IKBKE: variants seen among roughly 807,000 people sequenced by gnomAD.
IKBKE encodes inhibitor of nuclear factor kappa-B kinase subunit epsilon.
A neutral mutation model predicts 92.1 loss-of-function variants in IKBKE; 45 were observed. The ratio of observed to expected loss-of-function variants is 0.49; its 90% CI spans 0.38 to 0.63. IKBKE has a LOEUF of 0.63. IKBKE is among the 20% of genes least tolerant of loss of function. The pLI, the probability that IKBKE is intolerant of heterozygous loss-of-function variation, is 0.00. For missense variants in IKBKE, 700 were observed against 932.8 expected (o/e 0.75, Z 3.25); for synonymous variants, 374 against 380.3 (o/e 0.98, Z 0.19).
At chr1:206,471,083 C>CG in intron 1 of IKBKE, 73 bp from the exon 2 acceptor site, 1 of 152,458 alleles carries the variant, frequency 6.6e-6, no homozygotes, top group South Asian at 2.1e-4. Context: ...CTAGGGCCGG[C>CG]GGCCTTTGAT....
intron 10 of IKBKE, among the ~76,000 whole-genome samples, 155 bp downstream of exon 10, chr1:206,479,288 C>T (rs896942933): frequency 3.9e-5 from 6 of 152,224 alleles, no homozygotes; most frequent in Non-Finnish European, 7.3e-5. Context: ...TCTGCAGACG[C>T]CTCTGAGATG....
At chr1:206,489,877 G>A (rs1665860691) in intron 16 of IKBKE, among the ~76,000 whole-genome samples, 1 of 152,130 alleles carries the variant, frequency 6.6e-6, no homozygotes, top group Admixed American at 6.5e-5. Flanking sequence ...GTCTTTAAGA[G>A]TCCTTTAATA....
intron 18 of IKBKE, 94 bp from the exon 19 acceptor site, chr1:206,492,929 C>A: frequency 9.2e-7 from 1 of 1,085,866 alleles, no homozygotes; most frequent in Non-Finnish European, 1.4e-6. Flanking sequence ...CGGGACCCAC[C>A]TGTGTCCATG....
rs147204247 is a variant in IKBKE at position 206,477,848 on chromosome 1, C to T, written c.801C>T (p.Cys267=). The T allele has an allele frequency of 3.2e-6, 5 of 1,549,814 alleles. No homozygotes were observed. The African/African-American group carries it at 6.8e-5, about 21-fold the overall frequency. ...GGAGCTACACCCTCCCCATCACCTG[C>T]CAGCTGTCACTGTGAGTGGGACCCT... is the stretch of plus-strand genomic sequence containing the variant. ...LEWSYTLPIT[C]QLSLGLQSQL... The change falls in exon 8 of 22, where the codon TGC becomes TGT. Residue 267 remains cysteine (C), a synonymous_variant. Transcript: ENST00000581977.
rs2103455502 is a variant in IKBKE, at chr1:206,476,637, G to A, written c.541-41G>A. The A allele has an allele frequency of 1.9e-6, 3 of 1,612,220 alleles. No individual in the cohort carries two copies. Among genetic ancestry groups the A allele is most frequent in the Non-Finnish European group, 1.7e-6 (2 of 1,178,842 alleles). On this transcript the variant is annotated intron_variant, in intron 6 of 21. Transcript: ENST00000581977. This position sits in a 1 kb window ranked among gnomAD's most constrained non-coding sequence, Gnocchi z 5.1. ...TCTGACAGGTCTCAGGCCCTTGCCA[G>A]CCCTCCGGCTCCATGGCCTCATTCT...
In IKBKE at chr1:206,487,905, T is replaced by C. The variant is rs542145636; in HGVS notation, c.1617-9T>C. On this transcript the variant is annotated splice_polypyrimidine_tract_variant and intron_variant, in intron 15 of 21. Transcript: ENST00000581977. This position sits in a 1 kb window ranked among gnomAD's most constrained non-coding sequence, Gnocchi z 5.3. ...CTTCCAACACCTGGTCCCTGTCTCC[T>C]GCCCACAGCATCCAGCAGATTCAGT... is the stretch of plus-strand genomic sequence containing the variant. The C allele has an allele frequency of 6.8e-6, 11 of 1,612,048 alleles. 1 individual carries two copies. The South Asian group carries it at 1.2e-4, about 18-fold the overall frequency.
intron 1 of IKBKE, 115 bp from the exon 2 acceptor site, chr1:206,471,041 G>T (rs2103442643): frequency 6.6e-6 from 1 of 152,412 alleles, no homozygotes; most frequent in East Asian, 1.9e-4. Context: ...AGCCCTGTGG[G>T]GGAAGGTGAC....
intron 10 of IKBKE, 119 bp from the exon 11 acceptor site, chr1:206,479,751 G>GT: frequency 6.4e-6 from 7 of 1,088,598 alleles, no homozygotes; most frequent in Non-Finnish European, 9.6e-6. Context: ...CTCAGGGTGA[G>GT]TTGTGAAGCC....
chr1:206,491,649 G>A lies in IKBKE; in HGVS notation c.1735G>A (p.Val579Met), dbSNP rs1553390393. The part of the protein sequence containing the change: ...NEEQIHKLDK[V>M]NFSHLAKRLL... Reference sequence around the variant, plus strand: ...CACCTTGGTTCTCTGTCGTTCTAGGGTGAATTTCAGTCATTTAGCCAAAAG... The same window carrying A: ...CACCTTGGTTCTCTGTCGTTCTAGGATGAATTTCAGTCATTTAGCCAAAAG... The change falls in exon 18 of 22, where the codon GTG (valine) becomes ATG (methionine). Residue 579 changes from valine (V) to methionine (M), a missense_variant and splice_region_variant. By Grantham distance (21) the Val-to-Met change is conservative. Coordinates refer to ENST00000581977, the MANE Select transcript of IKBKE (RefSeq NM_014002.4). 6.2e-7 allele frequency: 1 copy of A among 1,611,628 alleles called. No homozygotes were observed. Among genetic ancestry groups the A allele is most frequent in the Non-Finnish European group, 8.5e-7 (1 of 1,178,116 alleles).
Position 206,490,720 on chromosome 1 carries a change from C to A in IKBKE, c.1694-99C>A. 8.0e-7 allele frequency: 1 copy of A among 1,242,738 alleles called. No homozygotes were observed. The highest frequency in any genetic ancestry group is 1.2e-6 in the Non-Finnish European group (1 of 846,556). The allele number at this position is 1,242,738 out of a possible 1,614,324, so 77.0% of individuals were successfully genotyped here. On this transcript the variant is annotated intron_variant, in intron 16 of 21. Transcript: ENST00000581977. This position sits in a 1 kb window ranked among gnomAD's most constrained non-coding sequence, Gnocchi z 5.2. Reference sequence around the variant, plus strand: ...GTGAGTTCCCGTGAAGCAGCACAGGCTGGGCCGTCTTCATCTTTTAACTGT... The same window carrying A: ...GTGAGTTCCCGTGAAGCAGCACAGGATGGGCCGTCTTCATCTTTTAACTGT...
At chr1:206,473,122 T>C in intron 2 of IKBKE, 74 bp from the exon 3 acceptor site, 1 of 832,720 alleles carries the variant, frequency 1.2e-6, no homozygotes, top group Non-Finnish European at 2.0e-6. Context: ...TGGGGCACAG[T>C]TACAGGTCAG....
Position 206,478,936 on chromosome 1 carries a change from T to C in IKBKE, c.993-7T>C. On this transcript the variant is annotated splice_polypyrimidine_tract_variant and splice_region_variant and intron_variant, in intron 9 of 21. Coordinates refer to ENST00000581977, the MANE Select transcript of IKBKE (RefSeq NM_014002.4). The surrounding 1 kb of genome is among the most constrained non-coding windows in gnomAD (Gnocchi z 4.8). ...TGCCCTCTGCTCCCCACCACGGCTG[T>C]GTCTAGGATAGCCATTTTCCAGGAG... 1 of 1,613,916 alleles carries C rather than the reference T, an allele frequency of 6.2e-7. No homozygotes were observed. The highest frequency in any genetic ancestry group is 1.7e-4 in the Middle Eastern group (1 of 6,054).
In IKBKE at chr1:206,477,887, G is replaced by T. The variant is rs1665157181; in HGVS notation, c.812+28G>T. On this transcript the variant is annotated intron_variant, in intron 8 of 21. Coordinates refer to ENST00000581977, the MANE Select transcript of IKBKE (RefSeq NM_014002.4). ...GAGTGGGACCCTGCTGGGGGGTGAT[G>T]CTGGAGTCTGAGCTGGGTGTCACTT... is the stretch of plus-strand genomic sequence containing the variant. 4.2e-6 allele frequency: 6 copies of T among 1,423,550 alleles called. No individual in the cohort carries two copies. The African/African-American group carries it at 8.5e-5, about 20-fold the overall frequency. The allele number at this position is 1,423,550 out of a possible 1,614,324, so 88.2% of individuals were successfully genotyped here.
intron 16 of IKBKE, among the ~76,000 whole-genome samples, 153 bp downstream of exon 16, chr1:206,488,143 T>C (rs1313459012): frequency 1.3e-5 from 2 of 152,230 alleles, no homozygotes; most frequent in Non-Finnish European, 2.9e-5. Context: ...ACTAAGCGGA[T>C]GGTTCTGTGC....
At chr1:206,471,431 A>G (rs1553383826) in intron 2 of IKBKE, among the ~76,000 whole-genome samples, 186 bp downstream of exon 2, 2 of 152,128 alleles carry the variant, frequency 1.3e-5, no homozygotes, top group Non-Finnish European at 2.9e-5. Context: ...TGCAGAGTTA[A>G]GCCAGATGTG....
At chr1:206,494,384 G>T (rs1202728073) in intron 21 of IKBKE, among the ~76,000 whole-genome samples, 1 of 152,046 alleles carries the variant, frequency 6.6e-6, no homozygotes, top group Non-Finnish European at 1.5e-5. Context: ...CAGACACCTT[G>T]GATACGATGC....
intron 16 of IKBKE, 121 bp downstream of exon 16, chr1:206,488,111 A>T: frequency 6.9e-6 from 5 of 725,362 alleles, no homozygotes; most frequent in Non-Finnish European, 1.2e-5. Context: ...GCTAACCTCC[A>T]GCTGGTGGTT....
chr1:206,493,586 G>C (rs41299868), intron 20 of IKBKE, among the ~76,000 whole-genome samples: 10,137 of 152,240 alleles, frequency 0.067, 862 homozygotes, highest in African/African-American at 0.2. Context: ...GCCAGAAGTT[G>C]GAGACCAACC....
intron 4 of IKBKE, 166 bp from the exon 5 acceptor site, chr1:206,474,699 T>C: frequency 2.3e-6 from 2 of 863,330 alleles, no homozygotes; most frequent in Admixed American, 5.6e-5. Flanking sequence ...AATAACTGAC[T>C]TTGGATTCCA....
Sources: allele counts gnomAD v4.1 joint callset (sites outside exome capture counted in the v4.1 genomes callset), GRCh38; gene constraint gnomAD v4.1.1; non-coding constraint Gnocchi (gnomAD v3.1); transcripts MANE v1.5; gene names NCBI Gene and HGNC (gene_info 2026-07-23, HGNC 2026-07-21).